Variants in PROM1 observed in about 807,000 individuals in gnomAD.
The protein encoded by PROM1 is prominin 1.
Under a neutral mutation model 116.9 loss-of-function variants are expected in PROM1, and 105 were observed. The observed-to-expected ratio is 0.90, with a 90% CI of 0.77 to 1.06. The LOEUF (loss-of-function observed/expected upper bound fraction) is 1.06, where lower values mean the gene tolerates loss of function less well. Ranked by LOEUF, PROM1 falls within the 50% of genes least tolerant of loss-of-function variation. The pLI is 0.00. For synonymous variants in PROM1, 393 were observed against 387.0 expected (o/e 1.02, Z -0.18); for missense variants, 1,122 against 1,045.2 (o/e 1.07, Z -1.01).
intron 10 of PROM1, among the ~76,000 whole-genome samples, chr4:16,013,937 A>G (rs1319564227): frequency 1.2e-5 from 1 of 84,760 alleles, no homozygotes; most frequent in Non-Finnish European, 2.3e-5. Flanking sequence ...TTAGAAATAT[A>G]GTCTAAACGA....
At position 16,006,586 on chromosome 4, in the gene PROM1, G is replaced by A. The variant is rs1292254467; in HGVS notation, c.1406C>T (p.Pro469Leu). 13 of 1,604,968 alleles carry A rather than the reference G, an allele frequency of 8.1e-6. No homozygotes were observed. The highest frequency in any genetic ancestry group is 2.2e-5 in the East Asian group (1 of 44,454). Residue 469 changes from proline to leucine, a missense_variant, in exon 13 of 28, where the codon CCG becomes CTG. Coordinates refer to ENST00000447510, the MANE Select transcript of PROM1 (RefSeq NM_006017.3). ...GTTGGAGACACAGCCTCGGGTGGTC[G>A]GGGTGGCATGCCTGTCATAGCCGCA... ...GVCGYDRHAT[P>L]TTRGCVSNTG...
chr4:15,970,660 A>C (rs1420044607), intron 27 of PROM1, among the ~76,000 whole-genome samples: 1 of 151,992 alleles, frequency 6.6e-6, no homozygotes, highest in Admixed American at 6.5e-5. Context: ...CTCTGGATCC[A>C]TGTGGGATTG....
In PROM1 at chr4:16,000,615, C is replaced by A; in HGVS notation, c.1459G>T (p.Val487Phe). Residue 487 changes from valine to phenylalanine, a missense_variant, in exon 14 of 28, where the codon GTT (valine) becomes TTT (phenylalanine). Coordinates refer to ENST00000447510, the MANE Select transcript of PROM1 (RefSeq NM_006017.3). The stretch of plus-strand genomic sequence containing the variant: ...CAGCAAAAGAGGAAACTTAATCCAA[C>A]TCCACTGGAAAAAAATATAAAGTTA... ...NTGGVFLMVG[V>F]GLSFLFCWIL... The A allele has an allele frequency of 1.9e-6, 3 of 1,556,122 alleles. No homozygotes were observed. The highest frequency in any genetic ancestry group is 2.6e-6 in the Non-Finnish European group (3 of 1,141,172).
chr4:16,033,927 A>AT (rs1000480927), intron 4 of PROM1, among the ~76,000 whole-genome samples: 23 of 151,354 alleles, frequency 1.5e-4, no homozygotes, highest in Admixed American at 2.6e-4. Flanking sequence ...ATATGTATGT[A>AT]TTTTTTTCCA....
intron 15 of PROM1, among the ~76,000 whole-genome samples, chr4:15,996,231 C>A (rs1308224684): frequency 3.3e-5 from 5 of 152,154 alleles, no homozygotes; most frequent in African/African-American, 1.2e-4. Flanking sequence ...ACAGTAATGG[C>A]CGGGCTTGGG....
intron 2 of PROM1, among the ~76,000 whole-genome samples, chr4:16,046,795 A>G (rs1005020608): frequency 1.3e-5 from 2 of 152,226 alleles, no homozygotes; most frequent in African/African-American, 4.8e-5. Context: ...CAGAGTGGGT[A>G]CTTCAGAGAC....
chr4:15,998,378 T>C lies in PROM1; in HGVS notation c.1682+7A>G. 1 of 1,583,810 alleles carries C rather than the reference T, an allele frequency of 6.3e-7. No homozygotes were observed. Among genetic ancestry groups the C allele is most frequent in the East Asian group, 2.3e-5 (1 of 44,178 alleles). On this transcript the variant is annotated splice_region_variant and intron_variant, in intron 15 of 27. Coordinates refer to ENST00000447510, the MANE Select transcript of PROM1 (RefSeq NM_006017.3). Reference sequence around the variant, plus strand: ...AATAGCGAAATGTATAATGCAAATATTGATACCTGTAAACTTGTTCAAAAG... The same window carrying C: ...AATAGCGAAATGTATAATGCAAATACTGATACCTGTAAACTTGTTCAAAAG...
At chr4:16,005,677 T>C (rs192032882) in intron 13 of PROM1, among the ~76,000 whole-genome samples, 1 of 152,232 alleles carries the variant, frequency 6.6e-6, no homozygotes, top group East Asian at 1.9e-4. Context: ...ACGACTCAGG[T>C]TTTGGTTCTT....
intron 3 of PROM1, among the ~76,000 whole-genome samples, chr4:16,036,572 G>A (rs1733991255): frequency 6.6e-6 from 1 of 152,192 alleles, no homozygotes; most frequent in African/African-American, 2.4e-5. Context: ...AAGCTCACCA[G>A]ACACAAAGAA....
At chr4:16,004,756 GA>G (rs1321624332) in intron 13 of PROM1, among the ~76,000 whole-genome samples, 1 of 152,042 alleles carries the variant, frequency 6.6e-6, no homozygotes, top group Non-Finnish European at 1.5e-5. Context: ...TTTCCTTGCA[GA>G]TGTGATTTCT....
At chr4:15,980,187 G>A (rs1577794760) in intron 24 of PROM1, 1 of 602,932 alleles carries the variant, frequency 1.7e-6, no homozygotes. Flanking sequence ...AAATAAAAAG[G>A]CTGGTTAGGG....
intron 19 of PROM1, among the ~76,000 whole-genome samples, chr4:15,988,686 T>C (rs1019648523): frequency 4.6e-5 from 7 of 152,170 alleles, no homozygotes; most frequent in African/African-American, 1.4e-4. Context: ...AAGGGTCCTG[T>C]GTACTTGGGA....
chr4:15,987,624 T>C, intron 20 of PROM1, 39 bp downstream of exon 20: 1 of 1,580,922 alleles, frequency 6.3e-7, no homozygotes, highest in South Asian at 1.2e-5. Context: ...TGGTATTTTA[T>C]AACAAAACCC....
intron 23 of PROM1, among the ~76,000 whole-genome samples, 182 bp from the exon 24 acceptor site, chr4:15,980,719 A>G (rs1717651060): frequency 6.6e-6 from 1 of 151,418 alleles, no homozygotes; most frequent in South Asian, 2.1e-4. Flanking sequence ...TGCTACGCAC[A>G]TTGTTAGGAT....
chr4:16,023,201 G>T, intron 8 of PROM1, 125 bp downstream of exon 8: 1 of 783,102 alleles, frequency 1.3e-6, no homozygotes, highest in Non-Finnish European at 2.2e-6. Context: ...TGAACTGTCT[G>T]CATGGCCACG....
chr4:15,996,731 A>G (rs1341247293), intron 15 of PROM1, among the ~76,000 whole-genome samples: 4 of 152,212 alleles, frequency 2.6e-5, no homozygotes, highest in Non-Finnish European at 5.9e-5. Context: ...TTGAATATCA[A>G]ATGATGGCGA....
At chr4:16,065,934 T>A (rs1057512490) in intron 2 of PROM1, among the ~76,000 whole-genome samples, 12 of 152,088 alleles carry the variant, frequency 7.9e-5, no homozygotes, top group Admixed American at 5.2e-4. Flanking sequence ...AGGCCCTAAA[T>A]CCAGTGCCAG....
At chr4:15,994,169 G>C in intron 15 of PROM1, 98 bp from the exon 16 acceptor site, 6 of 1,564,680 alleles carry the variant, frequency 3.8e-6, no homozygotes, top group Non-Finnish European at 5.2e-6. Flanking sequence ...GTTTCTCCTT[G>C]TTTAATCTGT....
At chr4:15,976,301 T>C in intron 26 of PROM1, 1 of 428,268 alleles carries the variant, frequency 2.3e-6, no homozygotes, top group African/African-American at 2.0e-5. Context: ...TCATCATGCC[T>C]TTTTTCTTGT....
Sources: gnomAD v4.1 joint callset for allele counts (sites outside exome capture counted in the v4.1 genomes callset) on GRCh38, gnomAD v4.1.1 for gene constraint, MANE v1.5 for transcripts, NCBI Gene and HGNC (gene_info 2026-07-23, HGNC 2026-07-21) for gene names.